Variants in RASGRF2 observed in about 807,000 individuals in gnomAD.
The protein encoded by RASGRF2 is ras-specific guanine nucleotide-releasing factor 2.
A neutral mutation model predicts 151.0 loss-of-function variants in RASGRF2; 76 were observed. The observed-to-expected ratio is 0.50, with a 90% confidence interval of 0.42 to 0.61. RASGRF2 has a LOEUF of 0.61. Among genes scored for constraint, RASGRF2 ranks in the 20% least tolerant of loss-of-function variants. The pLI is 0.00. For synonymous variants in RASGRF2, 504 were observed against 566.5 expected, an observed-to-expected ratio of 0.89 and a Z score of 1.57; for missense variants, 1,148 against 1,564.6, an observed-to-expected ratio of 0.73 and a Z score of 4.49.
chr5:81,145,958 A>C (rs1456678730), intron 17 of RASGRF2, among the ~76,000 whole-genome samples: 7 of 152,336 alleles, frequency 4.6e-5, no homozygotes, highest in African/African-American at 1.7e-4. Flanking sequence ...TAATCACGTT[A>C]AACGTAAGGG....
Position 81,123,679 on chromosome 5 carries a change from G to A in RASGRF2, c.2508G>A (p.Val836=), listed in dbSNP as rs1302309835. The change falls in exon 16 of 27, where the codon GTG becomes GTA. Residue 836 remains valine, a synonymous_variant. Transcript: ENST00000265080. ...CTGCACCAGCGGACCGAGCAGGAGT[G>A]GAAAGCTCCCCTGCAGCGGACACCA... ...LESAPADRAG[V]ESSPAADTTE... 1 of 1,614,022 alleles carries A rather than the reference G, an allele frequency of 6.2e-7. No individual in the cohort carries two copies. Among genetic ancestry groups the A allele is most frequent in the Admixed American group, 1.7e-5 (1 of 59,994 alleles).
At chr5:81,103,243 C>G (rs1206043560) in intron 12 of RASGRF2, among the ~76,000 whole-genome samples, 1 of 151,462 alleles carries the variant, frequency 6.6e-6, no homozygotes, top group East Asian at 2.0e-4. Context: ...TGATTAAGAG[C>G]CAGGTTATAT....
chr5:81,121,363 A>G lies in RASGRF2; in HGVS notation c.2471-2279A>G, dbSNP rs1187729997. Among the ~76,000 whole-genome samples the G allele has an allele frequency of 2.0e-5, 3 of 152,188 alleles. No homozygotes were observed. In the East Asian group the frequency reaches 5.8e-4, roughly 29 times the overall value. The stretch of plus-strand genomic sequence containing the variant: ...CTCATTGTATAATATCAGTTTTGCC[A>G]ATTAGGTCCCTATTGATGCCATACG... On this transcript the variant is annotated intron_variant, in intron 15 of 26. Transcript: ENST00000265080.
intron 2 of RASGRF2, among the ~76,000 whole-genome samples, chr5:81,059,180 C>G (rs1000671490): frequency 1.3e-5 from 2 of 150,406 alleles, no homozygotes; most frequent in Admixed American, 6.7e-5. Context: ...TCAGGAGATC[C>G]AGACCATCCT....
At chr5:81,013,217 A>T (rs535362697) in intron 1 of RASGRF2, among the ~76,000 whole-genome samples, 1 of 152,298 alleles carries the variant, frequency 6.6e-6, no homozygotes, top group East Asian at 1.9e-4. Flanking sequence ...TCAGTTTTTC[A>T]GTCTTCCAGC....
At chr5:80,969,278 G>A (rs1747826206) in intron 1 of RASGRF2, among the ~76,000 whole-genome samples, 1 of 151,114 alleles carries the variant, frequency 6.6e-6, no homozygotes, top group South Asian at 2.1e-4. Flanking sequence ...TTACAGGTGT[G>A]CACCACCACA....
intron 18 of RASGRF2, among the ~76,000 whole-genome samples, chr5:81,197,683 A>G (rs1166680235): frequency 6.6e-6 from 1 of 152,150 alleles, no homozygotes; most frequent in Non-Finnish European, 1.5e-5. Context: ...GTTCTCTCCA[A>G]TCATTTAAAA....
At chr5:81,065,723 A>G (rs1751581321) in intron 2 of RASGRF2, among the ~76,000 whole-genome samples, 1 of 152,136 alleles carries the variant, frequency 6.6e-6, no homozygotes, top group Non-Finnish European at 1.5e-5. Flanking sequence ...TATGCAAGGT[A>G]TCTGTATCTG....
At chr5:81,164,435 C>G (rs1754458553) in intron 17 of RASGRF2, among the ~76,000 whole-genome samples, 1 of 134,348 alleles carries the variant, frequency 7.4e-6, no homozygotes, top group Non-Finnish European at 1.6e-5. Context: ...TCTCTGGACT[C>G]AAAATTGGGC....
intron 12 of RASGRF2, 124 bp from the exon 13 acceptor site, chr5:81,108,871 TG>T: frequency 4.4e-6 from 5 of 1,128,638 alleles, no homozygotes; most frequent in East Asian, 2.7e-5. Flanking sequence ...TGTGTGTGTG[TG>T]TGTGTGTGTA....
chr5:80,968,560 T>G (rs1395869471), intron 1 of RASGRF2, among the ~76,000 whole-genome samples: 1 of 152,226 alleles, frequency 6.6e-6, no homozygotes, highest in Non-Finnish European at 1.5e-5. Context: ...GTAGCCCTCT[T>G]TTTTGTTTCT....
chr5:80,979,948 C>A (rs1251812456), intron 1 of RASGRF2, among the ~76,000 whole-genome samples: 8 of 152,150 alleles, frequency 5.3e-5, no homozygotes, highest in Non-Finnish European at 1.2e-4. Context: ...ACCACAAGAT[C>A]TTTGCTCACT....
Position 81,085,805 on chromosome 5 carries a change from C to G in RASGRF2, c.1165C>G (p.Pro389Ala). The G allele has an allele frequency of 6.2e-7, 1 of 1,614,030 alleles. No individual in the cohort carries two copies. The highest frequency in any genetic ancestry group is 8.5e-7 in the Non-Finnish European group (1 of 1,179,992). ...ACTGGCCTCTGTTTGCATCTAGATCCCCAGATATATCATCACACTCCATGA... is the reference window on the plus strand; with the variant it reads ...ACTGGCCTCTGTTTGCATCTAGATCGCCAGATATATCATCACACTCCATGA... ...TFLTYPMFQI[P>A]RYIITLHELL... is the part of the protein sequence containing the mutation. Residue 389 changes from proline (P) to alanine (A), a missense_variant, in exon 8 of 27, where the codon CCC (proline) becomes GCC (alanine). Pro to Ala is a conservative substitution (Grantham distance 27). This residue lies in a region of RASGRF2 where 176 missense variants were observed against 309.6 expected (regional missense o/e 0.57). Transcript: ENST00000265080.
intron 17 of RASGRF2, among the ~76,000 whole-genome samples, chr5:81,159,006 A>G (rs1181350220): frequency 6.6e-6 from 1 of 152,224 alleles, no homozygotes; most frequent in African/African-American, 2.4e-5. Flanking sequence ...TTATAGCTCC[A>G]TTATTCATAA....
chr5:81,220,897 C>T (rs776217910), intron 26 of RASGRF2, among the ~76,000 whole-genome samples: 7 of 152,182 alleles, frequency 4.6e-5, no homozygotes, highest in African/African-American at 1.7e-4. Flanking sequence ...TCTTTAGGCT[C>T]CTCTTGGTTG....
chr5:81,086,786 G>A, intron 8 of RASGRF2, 49 bp from the exon 9 acceptor site: 1 of 1,456,382 alleles, frequency 6.9e-7, no homozygotes, highest in Admixed American at 1.7e-5. Flanking sequence ...TACATGCTAG[G>A]GCAAGAGAAA....
intron 17 of RASGRF2, among the ~76,000 whole-genome samples, chr5:81,173,702 C>A (rs1754709786): frequency 6.6e-6 from 1 of 152,154 alleles, no homozygotes; most frequent in South Asian, 2.1e-4. Context: ...AATAGGGAGA[C>A]ATGAGAAGTA....
intron 1 of RASGRF2, among the ~76,000 whole-genome samples, chr5:81,027,423 T>G (rs898013324): frequency 3.3e-5 from 5 of 152,160 alleles, no homozygotes; most frequent in Admixed American, 6.6e-5. Flanking sequence ...TAAAAAATAG[T>G]GATAAAAAAA....
intron 24 of RASGRF2, chr5:81,217,003 A>G (rs918639995): frequency 2.2e-6 from 1 of 457,262 alleles, no homozygotes; most frequent in Middle Eastern, 3.2e-4. Flanking sequence ...AGGTAAGACC[A>G]TAGAGGTTTC....
Sources: gnomAD v4.1 joint callset for allele counts (sites outside exome capture counted in the v4.1 genomes callset) on GRCh38, gnomAD v4.1.1 for gene constraint, gnomAD v4.1.1 regional missense constraint, MANE v1.5 for transcripts, NCBI Gene and HGNC (gene_info 2026-07-23, HGNC 2026-07-21) for gene names.